SYT16: variants seen among roughly 807,000 people sequenced by gnomAD.
SYT16 encodes synaptotagmin-16.
A neutral mutation model predicts 61.4 loss-of-function variants in SYT16; 42 were observed. The observed-to-expected ratio is 0.68, with a 90% CI of 0.53 to 0.89. SYT16 has a LOEUF of 0.89. Ranked by LOEUF, SYT16 falls within the 40% of genes least tolerant of loss-of-function variation. The pLI, the probability that SYT16 is intolerant of heterozygous loss-of-function variation, is 0.00. For synonymous variants in SYT16, 314 were observed against 302.3 expected (o/e 1.04, Z -0.40); for missense variants, 804 against 807.3 (o/e 1.00, Z 0.05).
intron 7 of SYT16, among the ~76,000 whole-genome samples, chr14:62,085,968 A>C (rs765049786): frequency 7.5e-4 from 114 of 152,148 alleles, no homozygotes; most frequent in Non-Finnish European, 1.4e-3. Context: ...GTAAAGTCTG[A>C]ACAATTTTTT....
In SYT16 at chr14:61,849,962, A is replaced by G. The variant is rs1350602472; in HGVS notation, c.-325+37152A>G. The stretch of plus-strand genomic sequence containing the variant: ...TATTTTTCTCTTGGTAGACATTTCC[A>G]TATTTTTTTCCATAGATATTGAACT... On this transcript the variant is annotated intron_variant, in intron 1 of 7. Transcript: ENST00000683842. Among the ~76,000 whole-genome samples the G allele has an allele frequency of 3.9e-5, 6 of 152,012 alleles. No individual in the cohort carries two copies. In the East Asian group the frequency reaches 9.6e-4, roughly 24 times the overall value.
chr14:61,973,348 TAATG>T (rs2051644076), intron 2 of SYT16, among the ~76,000 whole-genome samples: 1 of 152,342 alleles, frequency 6.6e-6, no homozygotes, highest in Non-Finnish European at 1.5e-5. Flanking sequence ...ATAATACAGA[TAATG>T]ATCATTGGTA....
chr14:61,936,091 A>G (rs1325537663), intron 1 of SYT16, among the ~76,000 whole-genome samples: 1 of 152,162 alleles, frequency 6.6e-6, no homozygotes, highest in Non-Finnish European at 1.5e-5. Context: ...ACATATTATT[A>G]TATGAATCAC....
chr14:61,919,322 C>T (rs998593635), intron 1 of SYT16, among the ~76,000 whole-genome samples: 3 of 152,188 alleles, frequency 2.0e-5, no homozygotes, highest in African/African-American at 7.2e-5. Context: ...GGACATTGTG[C>T]TAATTTCTTA....
intron 1 of SYT16, among the ~76,000 whole-genome samples, chr14:61,918,368 G>A (rs1337830296): frequency 1.3e-5 from 2 of 152,108 alleles, no homozygotes; most frequent in Non-Finnish European, 2.9e-5. Context: ...GCCATAAACT[G>A]TAGCATGGCT....
At chr14:61,942,472 C>T (rs2140453563) in intron 1 of SYT16, among the ~76,000 whole-genome samples, 1 of 152,290 alleles carries the variant, frequency 6.6e-6, no homozygotes, top group South Asian at 2.1e-4. Flanking sequence ...AAGTGACACT[C>T]CACTAGGTTT....
At chr14:61,990,732 C>A (rs1199910923) in intron 2 of SYT16, among the ~76,000 whole-genome samples, 2 of 152,106 alleles carry the variant, frequency 1.3e-5, no homozygotes. Flanking sequence ...TGCAAGCAAC[C>A]CCATCAGATA....
At chr14:62,073,074 G>A (rs1349257850) in intron 4 of SYT16, among the ~76,000 whole-genome samples, 3 of 151,950 alleles carry the variant, frequency 2.0e-5, no homozygotes, top group Non-Finnish European at 2.9e-5. Flanking sequence ...CCTCCTCCTC[G>A]CAACTTGACT....
chr14:61,940,551 C>T (rs1041258071), intron 1 of SYT16, among the ~76,000 whole-genome samples: 5 of 152,158 alleles, frequency 3.3e-5, no homozygotes, highest in Non-Finnish European at 5.9e-5. Context: ...CTCTAAGCCT[C>T]AGTATATTTC....
chr14:61,977,769 G>A (rs932259765), intron 2 of SYT16, among the ~76,000 whole-genome samples: 3 of 152,014 alleles, frequency 2.0e-5, no homozygotes, highest in African/African-American at 7.2e-5. Flanking sequence ...CATCTGGGTT[G>A]AAAAAAATAG....
intron 1 of SYT16, among the ~76,000 whole-genome samples, chr14:61,864,241 A>T (rs775965072): frequency 6.6e-6 from 1 of 152,240 alleles, no homozygotes. Context: ...TTACAGGCTG[A>T]CGTTGTCCAA....
intron 1 of SYT16, among the ~76,000 whole-genome samples, chr14:61,947,267 C>CGTGTGTGT (rs59798244): frequency 0.071 from 8,863 of 125,664 alleles, 330 homozygotes; most frequent in Middle Eastern, 0.098. Flanking sequence ...TTTAGTCCTT[C>CGTGTGTGT]GTGTGTGTGT....
At chr14:61,983,157 TTGAG>T (rs1358686488) in intron 2 of SYT16, among the ~76,000 whole-genome samples, 2 of 152,194 alleles carry the variant, frequency 1.3e-5, no homozygotes, top group Non-Finnish European at 2.9e-5. Context: ...AACTAGCTAT[TTGAG>T]TGATCAGTTT....
intron 1 of SYT16, among the ~76,000 whole-genome samples, chr14:61,939,114 A>C (rs144625030): frequency 2.0e-5 from 3 of 152,204 alleles, no homozygotes; most frequent in African/African-American, 7.2e-5. Flanking sequence ...CAGCCTGGGC[A>C]ACAGAGTGAG....
chr14:61,867,716 A>G (rs894561694), intron 1 of SYT16, among the ~76,000 whole-genome samples: 1 of 152,104 alleles, frequency 6.6e-6, no homozygotes. Context: ...ACAAGTTTGT[A>G]CTGTTGAATA....
intron 1 of SYT16, among the ~76,000 whole-genome samples, chr14:61,902,295 T>A (rs1200420337): frequency 6.6e-6 from 1 of 152,220 alleles, no homozygotes; most frequent in Non-Finnish European, 1.5e-5. Context: ...CTTTTCATCT[T>A]TGGCACAGCC....
At chr14:61,964,308 G>C (rs187209622) in intron 1 of SYT16, among the ~76,000 whole-genome samples, 3 of 152,274 alleles carry the variant, frequency 2.0e-5, no homozygotes, top group Non-Finnish European at 4.4e-5. Context: ...TATGATTCAT[G>C]GGAGGTCAAA....
At chr14:61,836,698 C>T (rs117684202) in intron 1 of SYT16, among the ~76,000 whole-genome samples, 6,403 of 152,240 alleles carry the variant, frequency 0.042, 231 homozygotes, top group Non-Finnish European at 0.064. Flanking sequence ...AGAAAAGAGT[C>T]TCAACTATAG....
At chr14:62,057,962 C>T (rs748275918) in intron 3 of SYT16, among the ~76,000 whole-genome samples, 22 of 152,238 alleles carry the variant, frequency 1.4e-4, no homozygotes, top group Middle Eastern at 3.4e-3. Context: ...CCCAGGCAAC[C>T]ATGGATCTAT....
Sources: allele counts gnomAD v4.1 joint callset (sites outside exome capture counted in the v4.1 genomes callset), GRCh38; gene constraint gnomAD v4.1.1; transcripts MANE v1.5; gene names NCBI Gene and HGNC (gene_info 2026-07-23, HGNC 2026-07-21).